Variants in IL1RAPL1 observed in about 807,000 individuals in gnomAD.
IL1RAPL1 encodes interleukin-1 receptor accessory protein-like 1.
Under a neutral mutation model 48.4 loss-of-function variants are expected in IL1RAPL1, and 3 were observed. The observed-to-expected ratio is 0.06, with a 90% CI of 0.03 to 0.16. The LOEUF is 0.16. Among genes scored for constraint, IL1RAPL1 ranks in the 10% least tolerant of loss-of-function variants. IL1RAPL1 has a pLI of 1.00. For missense variants in IL1RAPL1, 349 were observed against 530.6 expected (o/e 0.66, Z 3.36); for synonymous variants, 185 against 187.7 (o/e 0.99, Z 0.12).
chrX:28,674,473 C>T (rs1934978703), intron 1 of IL1RAPL1, among the ~76,000 whole-genome samples: 1 of 111,398 alleles, frequency 9.0e-6, no homozygotes. Context: ...TTTGTGCCAA[C>T]AAAATATTTT....
intron 1 of IL1RAPL1, among the ~76,000 whole-genome samples, chrX:28,730,494 A>G (rs1000713565): frequency 3.6e-5 from 4 of 111,917 alleles, no homozygotes; most frequent in African/African-American, 1.3e-4. Flanking sequence ...GAACATATTT[A>G]TTCAATAAAT....
chrX:28,895,509 G>T (rs1252360622), intron 2 of IL1RAPL1, among the ~76,000 whole-genome samples: 3 of 109,790 alleles, frequency 2.7e-5, no homozygotes, highest in Non-Finnish European at 5.7e-5. Flanking sequence ...GCTTTGAACT[G>T]GGGAAAAGGG....
intron 6 of IL1RAPL1, among the ~76,000 whole-genome samples, chrX:29,804,264 T>C (rs1054553190): frequency 5.4e-5 from 6 of 111,687 alleles, no homozygotes; most frequent in African/African-American, 1.3e-4. Context: ...GCTATAGGCT[T>C]ACTGTTACTT....
intron 2 of IL1RAPL1, among the ~76,000 whole-genome samples, chrX:28,958,868 G>A (rs1015279393): frequency 9.0e-6 from 1 of 111,216 alleles, no homozygotes; most frequent in Non-Finnish European, 1.9e-5. Context: ...GAAAGCTTTA[G>A]TAAAATAAAG....
intron 6 of IL1RAPL1, among the ~76,000 whole-genome samples, chrX:29,769,229 A>T (rs1295645714): frequency 9.0e-6 from 1 of 110,650 alleles, no homozygotes; most frequent in Non-Finnish European, 1.9e-5. Context: ...ACTGTATAAT[A>T]TTCCATTATA....
intron 2 of IL1RAPL1, among the ~76,000 whole-genome samples, chrX:28,925,667 C>T (rs1421211785): frequency 8.9e-6 from 1 of 111,949 alleles, no homozygotes; most frequent in Non-Finnish European, 1.9e-5. Context: ...TGGCTCACGC[C>T]TGTAAAGCAC....
intron 2 of IL1RAPL1, among the ~76,000 whole-genome samples, chrX:28,963,630 A>T (rs1924845908): frequency 9.0e-6 from 1 of 110,943 alleles, no homozygotes; most frequent in African/African-American, 3.3e-5. Context: ...AACACCGAGG[A>T]TCCTTAAATA....
chrX:29,462,847 A>T (rs1934818249), intron 5 of IL1RAPL1, among the ~76,000 whole-genome samples: 1 of 111,733 alleles, frequency 8.9e-6, no homozygotes, highest in Non-Finnish European at 1.9e-5. Context: ...TATTTGGGGG[A>T]CAATTGATCT....
chrX:29,445,261 G>A (rs1309000027), intron 5 of IL1RAPL1, among the ~76,000 whole-genome samples: 1 of 111,897 alleles, frequency 8.9e-6, no homozygotes, highest in Non-Finnish European at 1.9e-5. Flanking sequence ...AGGTCAGCAG[G>A]ATGCCATACT....
intron 2 of IL1RAPL1, among the ~76,000 whole-genome samples, chrX:28,899,245 C>T (rs1171349623): frequency 9.0e-6 from 1 of 111,461 alleles, no homozygotes; most frequent in Non-Finnish European, 1.9e-5. Context: ...TCTACCCGGT[C>T]TCTCCTTTCA....
intron 1 of IL1RAPL1, among the ~76,000 whole-genome samples, chrX:28,614,377 C>T (rs1381568582): frequency 9.0e-6 from 1 of 111,135 alleles, no homozygotes; most frequent in Non-Finnish European, 1.9e-5. Context: ...TCACACAATT[C>T]CTACCTTTAG....
At chrX:29,600,208 A>C (rs1273191832) in intron 5 of IL1RAPL1, among the ~76,000 whole-genome samples, 8 of 111,687 alleles carry the variant, frequency 7.2e-5, no homozygotes, top group African/African-American at 2.6e-4. Context: ...TTTGTCCCGC[A>C]GGGTGCTCCC....
At chrX:29,554,669 G>A (rs1398254736) in intron 5 of IL1RAPL1, among the ~76,000 whole-genome samples, 1 of 111,263 alleles carries the variant, frequency 9.0e-6, no homozygotes, top group Non-Finnish European at 1.9e-5. Flanking sequence ...TAGGAGCTAT[G>A]TAAGTCTCCT....
chrX:29,676,598 A>G (rs1253424878), intron 6 of IL1RAPL1, among the ~76,000 whole-genome samples: 2 of 111,949 alleles, frequency 1.8e-5, no homozygotes, highest in Non-Finnish European at 3.8e-5. Context: ...TAACAGAAGA[A>G]AACTATCTCT....
chrX:29,489,442 A>G (rs969890421), intron 5 of IL1RAPL1, among the ~76,000 whole-genome samples: 4 of 112,088 alleles, frequency 3.6e-5, no homozygotes, highest in Non-Finnish European at 7.5e-5. Flanking sequence ...ATGCTAAGCT[A>G]AACAAAAAAT....
chrX:28,789,364 C>T lies in IL1RAPL1; in HGVS notation c.21C>T (p.His7=), dbSNP rs765572976. 1.8e-5 allele frequency: 22 copies of T among 1,209,433 alleles called. No individual in the cohort carries two copies. In the Admixed American group the frequency reaches 3.0e-4, roughly 17 times the overall value. MKAPIP[H]LILLYATFTQ... ...GGAAGATGAAAGCTCCGATTCCACA[C>T]TTGATTCTCTTATACGCTACTTTTA... is the stretch of plus-strand genomic sequence containing the variant. The change falls in exon 2 of 11, where the codon CAC becomes CAT. Residue 7 remains histidine, a synonymous_variant. Coordinates refer to ENST00000378993, the MANE Select transcript of IL1RAPL1 (RefSeq NM_014271.4).
At chrX:29,425,171 C>T (rs1054942624) in intron 5 of IL1RAPL1, among the ~76,000 whole-genome samples, 1 of 111,927 alleles carries the variant, frequency 8.9e-6, no homozygotes, top group African/African-American at 3.2e-5. Flanking sequence ...AGCAAGAAGA[C>T]ATGCATCCAT....
chrX:28,607,395 T>G (rs779356929), intron 1 of IL1RAPL1, among the ~76,000 whole-genome samples: 1 of 111,566 alleles, frequency 9.0e-6, no homozygotes, highest in Non-Finnish European at 1.9e-5. Flanking sequence ...TGAATAAATA[T>G]ATTGCCATTT....
At chrX:29,708,752 A>G (rs1927265435) in intron 6 of IL1RAPL1, among the ~76,000 whole-genome samples, 1 of 111,828 alleles carries the variant, frequency 8.9e-6, no homozygotes, top group Non-Finnish European at 1.9e-5. Flanking sequence ...GGATTGTTAG[A>G]TTATATGGTA....
Sources: allele counts gnomAD v4.1 joint callset (sites outside exome capture counted in the v4.1 genomes callset), GRCh38; gene constraint gnomAD v4.1.1; transcripts MANE v1.5; gene names NCBI Gene and HGNC (gene_info 2026-07-23, HGNC 2026-07-21).